The following ZMIZ1 variants were observed in gnomAD, a reference collection of about 807,000 sequenced individuals.
ZMIZ1 encodes the protein zinc finger MIZ-type containing 1, also known as zinc finger MIZ domain-containing protein 1.
ZMIZ1 carries 17 observed loss-of-function variants against 113.9 expected under a neutral mutation model. The observed-to-expected ratio is 0.15, with a 90% CI of 0.10 to 0.22. ZMIZ1 has a LOEUF of 0.22. Among genes scored for constraint, ZMIZ1 ranks in the 10% least tolerant of loss-of-function variants. The pLI is 1.00. For synonymous variants in ZMIZ1, 607 were observed against 603.1 expected (o/e 1.01, Z -0.09); for missense variants, 1,059 against 1,477.8 (o/e 0.72, Z 4.65).
intron 7 of ZMIZ1, among the ~76,000 whole-genome samples, chr10:79,240,383 T>C (rs1036563530): frequency 5.9e-5 from 9 of 152,122 alleles, no homozygotes; most frequent in African/African-American, 2.2e-4. Flanking sequence ...CTTTGGAAGT[T>C]GGAGAAGTGG....
Position 79,170,919 on chromosome 10 carries a change from T to G in ZMIZ1, c.-50+8786T>G, listed in dbSNP as rs1846570418. Among the ~76,000 whole-genome samples, 5 of 152,074 alleles carry G rather than the reference T, an allele frequency of 3.3e-5. No homozygotes were observed. In the South Asian group the frequency reaches 1.0e-3, roughly 32 times the overall value. On this transcript the variant is annotated intron_variant, in intron 4 of 24. Transcript: ENST00000334512. ...CCCCGCCAGGCTTAAGCCCTCAACT[T>G]AAGCTGCTGAGCCCCTAGGAAAAGA...
chr10:79,073,050 T>G (rs981340186), intron 1 of ZMIZ1, among the ~76,000 whole-genome samples: 2 of 152,196 alleles, frequency 1.3e-5, no homozygotes, highest in Admixed American at 1.3e-4. Flanking sequence ...GCATAGGCTC[T>G]GGGGAGAGGC....
At chr10:79,184,616 A>T (rs1847272589) in intron 4 of ZMIZ1, among the ~76,000 whole-genome samples, 1 of 151,774 alleles carries the variant, frequency 6.6e-6, no homozygotes, top group African/African-American at 2.4e-5. Context: ...GCCTTCCCAC[A>T]CCTGATCCAT....
intron 1 of ZMIZ1, among the ~76,000 whole-genome samples, chr10:79,098,269 T>C (rs1661742546): frequency 6.6e-6 from 1 of 152,174 alleles, no homozygotes; most frequent in Non-Finnish European, 1.5e-5. Flanking sequence ...GTGAGGACTT[T>C]GGCCAGGCCA....
intron 2 of ZMIZ1, among the ~76,000 whole-genome samples, chr10:79,129,995 C>T (rs1344091611): frequency 6.6e-6 from 1 of 152,240 alleles, no homozygotes; most frequent in African/African-American, 2.4e-5. Flanking sequence ...CAGGCAGCTG[C>T]TGGTTCAGCA....
chr10:79,115,689 A>T (rs1564659272), intron 1 of ZMIZ1, among the ~76,000 whole-genome samples: 1 of 152,216 alleles, frequency 6.6e-6, no homozygotes, highest in Admixed American at 6.5e-5. Flanking sequence ...GAGACCACAT[A>T]TCTATTTAGG....
chr10:79,268,798 A>C (rs1851759095), intron 7 of ZMIZ1, among the ~76,000 whole-genome samples: 1 of 152,218 alleles, frequency 6.6e-6, no homozygotes, highest in Non-Finnish European at 1.5e-5. Context: ...CATGGGTGGA[A>C]GAAGTCCTCT....
chr10:79,078,277 G>T (rs1842541492), intron 1 of ZMIZ1, among the ~76,000 whole-genome samples: 1 of 152,130 alleles, frequency 6.6e-6, no homozygotes, highest in Non-Finnish European at 1.5e-5. Flanking sequence ...GGGCTTGTCA[G>T]TTGTACCCTA....
At chr10:79,123,842 T>A (rs1844402671) in intron 2 of ZMIZ1, among the ~76,000 whole-genome samples, 1 of 152,180 alleles carries the variant, frequency 6.6e-6, no homozygotes, top group African/African-American at 2.4e-5. Flanking sequence ...CAAGCCCAGC[T>A]CACAGCAGGC....
intron 17 of ZMIZ1, 129 bp downstream of exon 17, chr10:79,301,071 C>G: frequency 7.4e-7 from 1 of 1,353,630 alleles, no homozygotes; most frequent in African/African-American, 1.4e-5. Context: ...TGCCCACAGC[C>G]GCCAAAGATA....
chr10:79,181,655 G>A (rs2132571858), intron 4 of ZMIZ1, among the ~76,000 whole-genome samples: 1 of 152,306 alleles, frequency 6.6e-6, no homozygotes, highest in East Asian at 1.9e-4. Context: ...GGCCCTGGCT[G>A]TCCAGGTCAC....
intron 7 of ZMIZ1, among the ~76,000 whole-genome samples, chr10:79,268,613 T>C (rs1234117313): frequency 1.3e-5 from 2 of 152,228 alleles, no homozygotes; most frequent in Non-Finnish European, 2.9e-5. Flanking sequence ...GTTGTAGAAG[T>C]GAAGCCCCCA....
At chr10:79,242,986 G>A (rs2132842056) in intron 7 of ZMIZ1, among the ~76,000 whole-genome samples, 1 of 151,294 alleles carries the variant, frequency 6.6e-6, no homozygotes, top group Admixed American at 6.6e-5. Context: ...GCGGGCGGCG[G>A]GCTGGGGGGC....
chr10:79,072,269 C>T (rs1589239553), intron 1 of ZMIZ1, among the ~76,000 whole-genome samples: 1 of 152,178 alleles, frequency 6.6e-6, no homozygotes, highest in Non-Finnish European at 1.5e-5. Flanking sequence ...CCCTCACGCA[C>T]GCGCGCACGC....
intron 5 of ZMIZ1, among the ~76,000 whole-genome samples, chr10:79,204,365 C>T (rs1232605267): frequency 2.6e-5 from 4 of 152,240 alleles, no homozygotes; most frequent in Non-Finnish European, 4.4e-5. Flanking sequence ...AGTGCTCCCT[C>T]TCTGCAACAT....
chr10:79,163,534 C>G lies in ZMIZ1; in HGVS notation c.-50+1401C>G, dbSNP rs571659243. Among the ~76,000 whole-genome samples the G allele has an allele frequency of 2.6e-5, 4 of 152,320 alleles. No homozygotes were observed. The South Asian group carries it at 8.3e-4, about 32-fold the overall frequency. ...GTCAGGCACTATGCTCCTTTAATAC[C>G]TTTTTACCCCCACAAGAATCCCACG... On this transcript the variant is annotated intron_variant, in intron 4 of 24. Coordinates refer to ENST00000334512, the MANE Select transcript of ZMIZ1 (RefSeq NM_020338.4).
rs937190331 is a variant in ZMIZ1, at chr10:79,291,160, G to T, written c.742G>T (p.Gly248Trp). 1 of 1,610,464 alleles carries T rather than the reference G, an allele frequency of 6.2e-7. No individual in the cohort carries two copies. The highest frequency in any genetic ancestry group is 8.5e-7 in the Non-Finnish European group (1 of 1,177,506). Residue 248 changes from glycine to tryptophan, a missense_variant, in exon 10 of 25, where the codon GGG becomes TGG. Coordinates refer to ENST00000334512, the MANE Select transcript of ZMIZ1 (RefSeq NM_020338.4). ...TGGCCGGCCCAACTACCCCGGCAGC[G>T]GGGGCTTTGGGGCCAGGTGAGCAGG... is the stretch of plus-strand genomic sequence containing the variant. ...MYGRPNYPGS[G>W]GFGASYPGGP...
At chr10:79,187,848 G>T (rs767140404) in intron 4 of ZMIZ1, among the ~76,000 whole-genome samples, 2 of 152,180 alleles carry the variant, frequency 1.3e-5, no homozygotes, top group Non-Finnish European at 2.9e-5. Flanking sequence ...AACCCGCGCA[G>T]TCTGCCACTC....
intron 7 of ZMIZ1, among the ~76,000 whole-genome samples, chr10:79,255,860 T>A (rs1213994616): frequency 6.6e-6 from 1 of 152,194 alleles, no homozygotes; most frequent in East Asian, 1.9e-4. Context: ...TACCATACAA[T>A]TACAGCCTGA....
Sources: allele counts gnomAD v4.1 joint callset (sites outside exome capture counted in the v4.1 genomes callset), GRCh38; gene constraint gnomAD v4.1.1; transcripts MANE v1.5; gene names NCBI Gene and HGNC (gene_info 2026-07-23, HGNC 2026-07-21).